GALNT13: variants seen among roughly 807,000 people sequenced by gnomAD.
GALNT13 encodes polypeptide N-acetylgalactosaminyltransferase 13.
In GALNT13, 28 loss-of-function variants were observed where a neutral mutation model predicts 64.2. That is an observed-to-expected ratio of 0.44 (90% CI 0.32 to 0.60). The LOEUF is 0.60. Ranked by LOEUF, GALNT13 falls within the 20% of genes least tolerant of loss-of-function variation. The probability of loss-of-function intolerance (pLI) is 0.05; values close to 1 mark genes in which losing one functional copy is unlikely to be tolerated. For missense variants in GALNT13, 577 were observed against 669.8 expected (o/e 0.86, Z 1.53); for synonymous variants, 214 against 224.6 (o/e 0.95, Z 0.42).
chr2:153,279,228 A>C, the GALNT13 span, among the ~76,000 whole-genome samples: 1 of 152,068 alleles, frequency 6.6e-6, no homozygotes, highest in African/African-American at 2.4e-5. Flanking sequence ...ATCTTTACTA[A>C]ATTTGTTTAT....
intron 9 of GALNT13, among the ~76,000 whole-genome samples, chr2:154,385,351 C>G (rs1021990895): frequency 6.6e-6 from 1 of 151,836 alleles, no homozygotes; most frequent in East Asian, 1.9e-4. Context: ...GAATTTGCAA[C>G]GTGAGTCCTA....
chr2:154,121,086 G>T (rs940366350), intron 3 of GALNT13, among the ~76,000 whole-genome samples: 1 of 152,174 alleles, frequency 6.6e-6, no homozygotes, highest in African/African-American at 2.4e-5. Context: ...GTCTGGTATT[G>T]TGCCGACTTG....
Position 154,134,981 on chromosome 2 carries a change from G to A in GALNT13, c.143-5356G>A, listed in dbSNP as rs147481855. 8.7e-4 allele frequency among the ~76,000 whole-genome samples: 133 copies of A among 152,156 alleles called. No individual in the cohort carries two copies. The East Asian group carries it at 0.023, about 27-fold the overall frequency. On this transcript the variant is annotated intron_variant, in intron 3 of 12. Transcript: ENST00000392825. Reference sequence around the variant, plus strand: ...AGCCTGGGTAACAAAGGGAGACTCCGTCTCAAAAAACAAACAAACAACAAA... The same window carrying A: ...AGCCTGGGTAACAAAGGGAGACTCCATCTCAAAAAACAAACAAACAACAAA...
chr2:153,784,802 G>A, the GALNT13 span, among the ~76,000 whole-genome samples: 1 of 152,300 alleles, frequency 6.6e-6, no homozygotes. Flanking sequence ...AGCCATGGGT[G>A]ACTACATTAC....
At chr2:153,356,277 C>T in the GALNT13 span, among the ~76,000 whole-genome samples, 1 of 152,150 alleles carries the variant, frequency 6.6e-6, no homozygotes, top group Non-Finnish European at 1.5e-5. Context: ...TGTAGTAACG[C>T]TGAGAGTAAT....
chr2:154,413,347 C>G (rs13028269), intron 11 of GALNT13, among the ~76,000 whole-genome samples: 8,105 of 151,942 alleles, frequency 0.053, 301 homozygotes, highest in Non-Finnish European at 0.078. Context: ...CATCTTAGTC[C>G]TTTTATAACC....
the GALNT13 span, among the ~76,000 whole-genome samples, chr2:153,351,662 G>T: frequency 1.3e-5 from 2 of 152,078 alleles, no homozygotes. Context: ...TCTTTTCATT[G>T]TCTCCAAAGC....
chr2:153,433,989 C>A, the GALNT13 span, among the ~76,000 whole-genome samples: 7 of 152,074 alleles, frequency 4.6e-5, no homozygotes, highest in Non-Finnish European at 1.0e-4. Context: ...CTCCCCCCAC[C>A]CCACAACAGT....
At chr2:153,858,612 CTATT>C in the GALNT13 span, among the ~76,000 whole-genome samples, 6 of 152,020 alleles carry the variant, frequency 3.9e-5, no homozygotes, top group African/African-American at 1.4e-4. Context: ...CACAATTGCT[CTATT>C]TAATTATCAG....
intron 9 of GALNT13, among the ~76,000 whole-genome samples, chr2:154,367,969 A>G (rs1170691951): frequency 2.0e-5 from 3 of 152,200 alleles, no homozygotes; most frequent in African/African-American, 4.8e-5. Context: ...TTTCAGAACT[A>G]TAGTTGAATA....
the GALNT13 span, among the ~76,000 whole-genome samples, chr2:153,324,001 A>G: frequency 6.6e-6 from 1 of 152,204 alleles, no homozygotes; most frequent in Admixed American, 6.5e-5. Context: ...TGAAATTTAA[A>G]GTAGTTTTTT....
intron 4 of GALNT13, among the ~76,000 whole-genome samples, chr2:154,154,425 A>T (rs1269792481): frequency 6.6e-6 from 1 of 152,174 alleles, no homozygotes; most frequent in African/African-American, 2.4e-5. Context: ...AAACAATTTT[A>T]TTTAGACATG....
chr2:153,442,491 C>G, the GALNT13 span, among the ~76,000 whole-genome samples: 1 of 152,074 alleles, frequency 6.6e-6, no homozygotes, highest in Non-Finnish European at 1.5e-5. Context: ...CCCTCTTTTT[C>G]TATTGTTTAG....
chr2:153,199,155 G>C, the GALNT13 span, among the ~76,000 whole-genome samples: 1 of 152,222 alleles, frequency 6.6e-6, no homozygotes, highest in African/African-American at 2.4e-5. Context: ...GGTTCTTGAA[G>C]GGCAGCCTGG....
At chr2:153,951,787 A>AT (rs944859406) in intron 3 of GALNT13, among the ~76,000 whole-genome samples, 1 of 152,100 alleles carries the variant, frequency 6.6e-6, no homozygotes, top group Non-Finnish European at 1.5e-5. Flanking sequence ...TTTAATGGAC[A>AT]TTTTTCTAAA....
chr2:154,446,489 C>T, intron 12 of GALNT13: 2 of 1,343,212 alleles, frequency 1.5e-6, no homozygotes, highest in Non-Finnish European at 2.0e-6. Flanking sequence ...GTAGAAATTG[C>T]ATGTTGCCTA....
the GALNT13 span, among the ~76,000 whole-genome samples, chr2:153,448,950 A>T: frequency 2.7e-3 from 414 of 152,282 alleles, 19 homozygotes; most frequent in East Asian, 0.074. Context: ...TAGTATCCTT[A>T]TAAGAGACAC....
At position 154,028,815 on chromosome 2, in the gene GALNT13, A is replaced by AT. The variant is rs1558918620; in HGVS notation, c.142+84177dup. ...ACTTACTTCCAAATCCTTTTTGAGGATAAAAAAATAATGGGAAAGAGCATC... is the reference window on the plus strand; with the variant it reads ...ACTTACTTCCAAATCCTTTTTGAGGATTAAAAAAATAATGGGAAAGAGCATC... On this transcript the variant is annotated intron_variant, in intron 3 of 12. Coordinates refer to ENST00000392825, the MANE Select transcript of GALNT13 (RefSeq NM_052917.4). 3.9e-5 allele frequency among the ~76,000 whole-genome samples: 6 copies of AT among 152,068 alleles called. No homozygotes were observed. The South Asian group carries it at 6.2e-4, about 16-fold the overall frequency.
At chr2:154,447,272 C>A (rs1701640014) in intron 12 of GALNT13, among the ~76,000 whole-genome samples, 1 of 151,960 alleles carries the variant, frequency 6.6e-6, no homozygotes, top group African/African-American at 2.4e-5. Flanking sequence ...AAACACTAAG[C>A]AAACACATTA....
Sources: gnomAD v4.1 joint callset for allele counts (sites outside exome capture counted in the v4.1 genomes callset) on GRCh38, gnomAD v4.1.1 for gene constraint, MANE v1.5 for transcripts, NCBI Gene and HGNC (gene_info 2026-07-23, HGNC 2026-07-21) for gene names.